CTNNA2: variants seen among roughly 807,000 people sequenced by gnomAD.
CTNNA2 encodes catenin alpha 2.
CTNNA2 carries 42 observed loss-of-function variants against 101.0 expected under a neutral mutation model. The ratio of observed to expected loss-of-function variants is 0.42; its 90% CI spans 0.32 to 0.54. CTNNA2 has a LOEUF of 0.54. Among genes scored for constraint, CTNNA2 ranks in the 20% least tolerant of loss-of-function variants. The probability of loss-of-function intolerance (pLI) is 0.14; values close to 1 mark genes in which losing one functional copy is unlikely to be tolerated. For synonymous variants in CTNNA2, 450 were observed against 456.4 expected, an observed-to-expected ratio of 0.99 and a Z score of 0.18; for missense variants, 871 against 1,223.1, an observed-to-expected ratio of 0.71 and a Z score of 4.29.
chr2:80,040,980 C>A (rs1696013577), intron 7 of CTNNA2, among the ~76,000 whole-genome samples: 1 of 151,938 alleles, frequency 6.6e-6, no homozygotes, highest in East Asian at 1.9e-4. Context: ...TACAGTCAAT[C>A]CACACAATGG....
At chr2:80,635,115 C>A (rs534605835) in intron 18 of CTNNA2, among the ~76,000 whole-genome samples, 1 of 152,066 alleles carries the variant, frequency 6.6e-6, no homozygotes, top group Non-Finnish European at 1.5e-5. Context: ...GGTTACAACT[C>A]ATTGTTAAAA....
intron 9 of CTNNA2, among the ~76,000 whole-genome samples, chr2:80,500,341 C>A (rs1199805887): frequency 6.6e-6 from 1 of 152,168 alleles, no homozygotes; most frequent in Non-Finnish European, 1.5e-5. Context: ...TCCATTTATT[C>A]ATTCATTCAT....
intron 2 of CTNNA2, among the ~76,000 whole-genome samples, chr2:79,231,403 C>G (rs944965825): frequency 2.6e-5 from 4 of 152,192 alleles, no homozygotes; most frequent in African/African-American, 7.2e-5. Flanking sequence ...AGAAGTGCCT[C>G]TTGCCCTCTG....
chr2:80,028,097 A>T (rs1025820610), intron 7 of CTNNA2: 14 of 152,084 alleles, frequency 9.2e-5, no homozygotes, highest in African/African-American at 3.4e-4. Context: ...GAAACACAAG[A>T]TAAAACTATT....
At chr2:80,296,915 T>C (rs1389691500) in intron 7 of CTNNA2, among the ~76,000 whole-genome samples, 15 of 152,164 alleles carry the variant, frequency 9.9e-5, no homozygotes, top group Admixed American at 6.5e-4. Flanking sequence ...ACCAGTACCA[T>C]AGACACATGA....
intron 2 of CTNNA2, among the ~76,000 whole-genome samples, chr2:79,291,237 G>A (rs1675801273): frequency 6.6e-6 from 1 of 152,158 alleles, no homozygotes; most frequent in Admixed American, 6.5e-5. Context: ...ACTGAAATTT[G>A]CATTATCTTA....
chr2:79,241,037 C>T (rs1011753506), intron 2 of CTNNA2, among the ~76,000 whole-genome samples: 2 of 152,112 alleles, frequency 1.3e-5, no homozygotes. Flanking sequence ...AGGAATTTTT[C>T]ACAGATGGCC....
At chr2:80,082,727 T>C (rs1414012723) in intron 7 of CTNNA2, among the ~76,000 whole-genome samples, 1 of 152,198 alleles carries the variant, frequency 6.6e-6, no homozygotes, top group Non-Finnish European at 1.5e-5. Flanking sequence ...GAATATGATG[T>C]CTCTGTGAGG....
chr2:79,298,684 C>G (rs1202282825), intron 2 of CTNNA2, among the ~76,000 whole-genome samples: 1 of 152,188 alleles, frequency 6.6e-6, no homozygotes, highest in Admixed American at 6.5e-5. Flanking sequence ...CCAACTCCCC[C>G]TTAGACACTG....
rs191725516 is a variant in CTNNA2 at position 79,307,417 on chromosome 2, T to G, written c.-405-5292T>G. Among the ~76,000 whole-genome samples, 5 of 152,360 alleles carry G rather than the reference T, an allele frequency of 3.3e-5. No individual in the cohort carries two copies. The East Asian group carries it at 9.6e-4, about 29-fold the overall frequency. ...CTACCTTTAGTATCCTCTATTCTACTTTTTACTTCTATGAGATCAACTTTT... is the reference window on the plus strand; with the variant it reads ...CTACCTTTAGTATCCTCTATTCTACGTTTTACTTCTATGAGATCAACTTTT... On this transcript the variant is annotated intron_variant, in intron 2 of 21. Coordinates refer to the CTNNA2 transcript ENST00000466387.
At chr2:79,563,528 G>T (rs1558733237) in intron 1 of CTNNA2, among the ~76,000 whole-genome samples, 4 of 152,032 alleles carry the variant, frequency 2.6e-5, no homozygotes, top group Non-Finnish European at 4.4e-5. Context: ...TCTCTAATGG[G>T]CTGCCATCTC....
chr2:79,287,723 G>C (rs1675650914), intron 2 of CTNNA2, among the ~76,000 whole-genome samples: 1 of 152,196 alleles, frequency 6.6e-6, no homozygotes, highest in South Asian at 2.1e-4. Context: ...CCTGCCCCCA[G>C]AGGTGGAGCC....
At position 80,555,816 on chromosome 2, in the gene CTNNA2, A is replaced by G. The variant is rs747757514; in HGVS notation, c.1664A>G (p.Asn555Ser). ...GRAARVIHIINAEMENYEAGV... is the reference protein window; with the variant it reads ...GRAARVIHIISAEMENYEAGV... ...GCAGCTCGAGTCATACACATCATCA[A>G]TGCTGAGATGGAGAACTATGAAGCT... Residue 555 changes from asparagine (N) to serine (S), a missense_variant, in exon 12 of 19, where the codon AAT (asparagine) becomes AGT (serine). Coordinates refer to ENST00000402739, the MANE Select transcript of CTNNA2 (RefSeq NM_001282597.3). 32 of 1,598,614 alleles carry G rather than the reference A, an allele frequency of 2.0e-5. No individual in the cohort carries two copies. The highest frequency in any genetic ancestry group is 2.5e-5 in the Non-Finnish European group (29 of 1,172,864).
chr2:79,952,231 C>T (rs1227543717), intron 7 of CTNNA2, among the ~76,000 whole-genome samples: 1 of 152,138 alleles, frequency 6.6e-6, no homozygotes, highest in Non-Finnish European at 1.5e-5. Context: ...CATGTCATGT[C>T]TTATATTTGT....
chr2:80,148,075 A>G (rs1009208648), intron 7 of CTNNA2, among the ~76,000 whole-genome samples: 1 of 152,210 alleles, frequency 6.6e-6, no homozygotes, highest in Admixed American at 6.5e-5. Context: ...GTAAATGTAC[A>G]TAGCTCAGTT....
intron 9 of CTNNA2, among the ~76,000 whole-genome samples, chr2:80,490,288 C>CCCCCCG (rs201732088): frequency 5.1e-5 from 5 of 97,906 alleles, no homozygotes; most frequent in African/African-American, 2.2e-4. Context: ...CCACCCCCCC[C>CCCCCCG]CCGGTAAAGC....
intron 1 of CTNNA2, chr2:79,524,839 A>G (rs951162062): frequency 2.0e-5 from 3 of 151,508 alleles, no homozygotes; most frequent in Non-Finnish European, 4.4e-5. Flanking sequence ...TAGTGTGTAC[A>G]TGAATTTCAT....
intron 1 of CTNNA2, among the ~76,000 whole-genome samples, chr2:79,600,762 C>A (rs1677501126): frequency 6.6e-6 from 1 of 152,022 alleles, no homozygotes; most frequent in African/African-American, 2.4e-5. Flanking sequence ...CTGTTAAGGC[C>A]AAGATGAAGG....
chr2:79,191,431 A>G (rs1461821619), intron 1 of CTNNA2, among the ~76,000 whole-genome samples: 1 of 152,164 alleles, frequency 6.6e-6, no homozygotes, highest in Non-Finnish European at 1.5e-5. Context: ...CTCAGCCTCA[A>G]CTTTGTTATT....
Sources: gnomAD v4.1 joint callset for allele counts (sites outside exome capture counted in the v4.1 genomes callset) on GRCh38, gnomAD v4.1.1 for gene constraint, MANE v1.5 for transcripts, NCBI Gene and HGNC (gene_info 2026-07-23, HGNC 2026-07-21) for gene names.